GALNTL5: variants seen among roughly 807,000 people sequenced by gnomAD.
GALNTL5 encodes the protein inactive polypeptide N-acetylgalactosaminyltransferase-like protein 5.
A neutral mutation model predicts 51.0 loss-of-function variants in GALNTL5; 44 were observed. That is an observed-to-expected ratio of 0.86 (90% CI 0.68 to 1.11). GALNTL5 has a LOEUF of 1.11. Ranked by LOEUF, GALNTL5 falls within the 50% of genes least tolerant of loss-of-function variation. GALNTL5 has a pLI of 0.00. For missense variants in GALNTL5, 528 were observed against 531.8 expected, an observed-to-expected ratio of 0.99 and a Z score of 0.07; for synonymous variants, 192 against 182.8, an observed-to-expected ratio of 1.05 and a Z score of -0.41.
chr7:151,968,490 C>T (rs931444357), intron 2 of GALNTL5, among the ~76,000 whole-genome samples: 1 of 152,200 alleles, frequency 6.6e-6, no homozygotes, highest in African/African-American at 2.4e-5. Flanking sequence ...CTACCCTAAG[C>T]ACTACTCCAG....
chr7:152,014,910 AGC>A lies in GALNTL5; in HGVS notation c.1176+118_1176+119del. On this transcript the variant is annotated intron_variant, in intron 8 of 8. Coordinates refer to ENST00000392800, the MANE Select transcript of GALNTL5 (RefSeq NM_145292.4). ...GTTTGTTCTGGAGGTCATTATCCTA[AGC>A]AAATTAACACAGGAACGGAAAACCA... 8.6e-6 allele frequency: 8 copies of A among 928,404 alleles called. No homozygotes were observed. The East Asian group carries it at 2.1e-4, about 24-fold the overall frequency. The allele number at this position is 928,404 out of a possible 1,614,324, so 57.5% of individuals were successfully genotyped here. A position where few individuals can be genotyped will look rare whatever the true frequency, so the allele number is the denominator to read the frequency against.
intron 7 of GALNTL5, among the ~76,000 whole-genome samples, 199 bp downstream of exon 7, chr7:152,008,143 G>C (rs1218838212): frequency 6.6e-6 from 1 of 152,000 alleles, no homozygotes; most frequent in Non-Finnish European, 1.5e-5. Flanking sequence ...GCCTGGTGTG[G>C]TGGCTCATGC....
At chr7:152,011,548 C>T (rs1254736949) in intron 7 of GALNTL5, among the ~76,000 whole-genome samples, 1 of 152,254 alleles carries the variant, frequency 6.6e-6, no homozygotes, top group Non-Finnish European at 1.5e-5. Flanking sequence ...AAGATTATCC[C>T]TAGAGAAGCC....
At chr7:151,990,945 A>C (rs921492809) in intron 5 of GALNTL5, among the ~76,000 whole-genome samples, 2 of 152,188 alleles carry the variant, frequency 1.3e-5, no homozygotes, top group Non-Finnish European at 2.9e-5. Context: ...TCATTTTGGA[A>C]TCTTATTATT....
chr7:151,990,125 C>T (rs1219880908), intron 5 of GALNTL5, among the ~76,000 whole-genome samples: 1 of 151,984 alleles, frequency 6.6e-6, no homozygotes, highest in African/African-American at 2.4e-5. Flanking sequence ...TCACTGCAAC[C>T]TTCGCCTCCT....
chr7:152,015,076 T>C (rs2081789663), intron 8 of GALNTL5, among the ~76,000 whole-genome samples: 1 of 152,156 alleles, frequency 6.6e-6, no homozygotes, highest in African/African-American at 2.4e-5. Flanking sequence ...TTGATAGTTA[T>C]TGATAGTTGT....
rs554156865 is a variant in GALNTL5 at position 152,002,979 on chromosome 7, GT to G, written c.908+20del. The G allele has an allele frequency of 2.0e-4, 330 of 1,610,320 alleles. No homozygotes were observed. The East Asian group carries it at 4.7e-3, about 23-fold the overall frequency. On this transcript the variant is annotated intron_variant, in intron 6 of 8. Coordinates refer to ENST00000392800, the MANE Select transcript of GALNTL5 (RefSeq NM_145292.4). ...AACCAATCCGGTGAGATTTCTTCTG[GT>G]TTTGGAAAAATATAGCATACGTGTA...
chr7:151,980,737 ATTTTTTTTTT>A lies in GALNTL5; in HGVS notation c.369-2232_369-2223del, dbSNP rs61288964. On this transcript the variant is annotated intron_variant, in intron 3 of 8. Coordinates refer to ENST00000392800, the MANE Select transcript of GALNTL5 (RefSeq NM_145292.4). ...CCGTGTGATTGCAGTGCTAACAATG[ATTTTTTTTTT>A]TTTTTTTTTTTTTTTTGAGATGGAG... 1.2e-4 allele frequency among the ~76,000 whole-genome samples: 12 copies of A among 98,958 alleles called. 2 individuals carry two copies. Among genetic ancestry groups the A allele is most frequent in the Admixed American group, 3.6e-4 (3 of 8,420 alleles). 64.9% of individuals were successfully genotyped at this position (98,958 alleles called of 152,430 possible).
rs1402774469 is a variant in GALNTL5 at position 151,973,539 on chromosome 7, TTTGGCCAA to T, written c.368+2485_368+2492del. Among the ~76,000 whole-genome samples the T allele has an allele frequency of 9.2e-5, 14 of 152,356 alleles. No homozygotes were observed. The East Asian group carries it at 2.7e-3, about 29-fold the overall frequency. ...TGCATGGGGCCTGTGGCCCCTTTGTTTTGGCCAATTGGCCAATTTCTCCCATTTGGAAT... is the reference window on the plus strand; with the variant it reads ...TGCATGGGGCCTGTGGCCCCTTTGTTTTGGCCAATTTCTCCCATTTGGAAT... On this transcript the variant is annotated intron_variant, in intron 3 of 8. Transcript: ENST00000392800.
intron 5 of GALNTL5, among the ~76,000 whole-genome samples, chr7:151,997,390 A>G (rs2081513481): frequency 6.6e-6 from 1 of 152,176 alleles, no homozygotes; most frequent in Non-Finnish European, 1.5e-5. Context: ...CCTAGCACCA[A>G]ACTTTAGGTT....
chr7:151,978,824 C>G (rs2081238662), intron 3 of GALNTL5, among the ~76,000 whole-genome samples: 1 of 152,102 alleles, frequency 6.6e-6, no homozygotes, highest in Non-Finnish European at 1.5e-5. Context: ...TCAAATTTCC[C>G]CTTTTTGTAA....
intron 7 of GALNTL5, 81 bp downstream of exon 7, chr7:152,008,025 C>A: frequency 1.3e-6 from 1 of 794,248 alleles, no homozygotes; most frequent in South Asian, 1.5e-5. Context: ...TAATTATGCT[C>A]AATTTTCCTA....
chr7:152,005,230 C>T (rs578063149), intron 6 of GALNTL5, among the ~76,000 whole-genome samples: 3 of 152,160 alleles, frequency 2.0e-5, no homozygotes, highest in Admixed American at 1.3e-4. Context: ...ACTTAACACA[C>T]ACACACACAA....
chr7:151,980,713 C>T (rs1016646626), intron 3 of GALNTL5, among the ~76,000 whole-genome samples: 38 of 149,494 alleles, frequency 2.5e-4, no homozygotes, highest in Middle Eastern at 3.2e-3. Context: ...TTCCCCTTTC[C>T]GTGTGATTGC....
chr7:152,010,540 G>T (rs570258805), intron 7 of GALNTL5, among the ~76,000 whole-genome samples: 1 of 152,206 alleles, frequency 6.6e-6, no homozygotes, highest in East Asian at 1.9e-4. Flanking sequence ...GGCCAAAGTA[G>T]GTGGATCACC....
intron 3 of GALNTL5, among the ~76,000 whole-genome samples, chr7:151,981,256 T>C (rs1272759985): frequency 1.3e-5 from 2 of 152,198 alleles, no homozygotes; most frequent in Non-Finnish European, 2.9e-5. Context: ...AAAGCCCAGG[T>C]GCAGAGGAAG....
chr7:151,982,834 T>C, intron 3 of GALNTL5, 152 bp from the exon 4 acceptor site: 1 of 1,521,070 alleles, frequency 6.6e-7, no homozygotes, highest in Non-Finnish European at 8.8e-7. Flanking sequence ...AATTTTTGTG[T>C]TTTTAGATGT....
chr7:151,982,937 T>C (rs1194423947), intron 3 of GALNTL5, 49 bp from the exon 4 acceptor site: 2 of 1,613,416 alleles, frequency 1.2e-6, no homozygotes, highest in Admixed American at 1.7e-5. Flanking sequence ...TGACACAACA[T>C]CCAAGGCATT....
chr7:151,989,170 T>C (rs942621906), intron 5 of GALNTL5, among the ~76,000 whole-genome samples: 48 of 151,450 alleles, frequency 3.2e-4, no homozygotes, highest in East Asian at 2.9e-3. Flanking sequence ...TTTTTTTTTT[T>C]AGACAGTCTC....
Sources: allele counts gnomAD v4.1 joint callset (sites outside exome capture counted in the v4.1 genomes callset), GRCh38; gene constraint gnomAD v4.1.1; transcripts MANE v1.5; gene names NCBI Gene and HGNC (gene_info 2026-07-23, HGNC 2026-07-21).